The following TAP2 variants were observed in gnomAD, a reference collection of about 807,000 sequenced individuals.
TAP2 encodes the protein antigen peptide transporter 2.
In TAP2, 49 loss-of-function variants were observed where a neutral mutation model predicts 74.7. That is an observed-to-expected ratio of 0.66 (90% CI 0.52 to 0.83). The LOEUF (loss-of-function observed/expected upper bound fraction) is 0.83. Ranked by LOEUF, TAP2 falls within the 40% of genes least tolerant of loss-of-function variation. TAP2 has a pLI of 0.00. For synonymous variants in TAP2, 306 were observed against 368.4 expected (o/e 0.83, Z 1.94); for missense variants, 739 against 859.0 (o/e 0.86, Z 1.75).
chr6:32,826,974 C>T lies in TAP2; in HGVS notation c.*1932G>A. The T allele has an allele frequency of 2.0e-6, 2 of 985,352 alleles. No individual in the cohort carries two copies. Among genetic ancestry groups the T allele is most frequent in the Non-Finnish European group, 2.4e-6 (2 of 829,902 alleles). The allele number at this position is 985,352 out of a possible 1,614,324, so 61.0% of individuals were successfully genotyped here. A position where few individuals can be genotyped will look rare whatever the true frequency, so the allele number is the denominator to read the frequency against. On this transcript the variant is annotated 3_prime_UTR_variant, in exon 12 of 12. Coordinates refer to ENST00000374897, the MANE Select transcript of TAP2 (RefSeq NM_001290043.2). ...GCCAGAGTTCTTTCTCTCCAAATGCCTATTTTACCCTCTGTGAAATTTGAG... is the reference window on the plus strand; with the variant it reads ...GCCAGAGTTCTTTCTCTCCAAATGCTTATTTTACCCTCTGTGAAATTTGAG...
At chr6:32,833,214 T>C (rs1769204877) in intron 5 of TAP2, among the ~76,000 whole-genome samples, 1 of 152,170 alleles carries the variant, frequency 6.6e-6, no homozygotes, top group South Asian at 2.1e-4. Flanking sequence ...TAGGAAAATG[T>C]AGAAGAAAAG....
chr6:32,828,681 A>ACCCCCCCCCCC lies in TAP2; in HGVS notation c.*224_*225insGGGGGGGGGGG. The ACCCCCCCCCCC allele has an allele frequency of 3.3e-6, 2 of 606,172 alleles. No homozygotes were observed. Among genetic ancestry groups the ACCCCCCCCCCC allele is most frequent in the Non-Finnish European group, 4.0e-6 (2 of 497,974 alleles). 37.5% of individuals were successfully genotyped at this position (606,172 alleles called of 1,614,324 possible). The stretch of plus-strand genomic sequence containing the variant: ...AGTTTCCTGGACACAGACAGCCCCC[A>ACCCCCCCCCCC]CCCCACCCCACCCCACCTCTCTACC... On this transcript the variant is annotated 3_prime_UTR_variant, in exon 12 of 12. Coordinates refer to ENST00000374897, the MANE Select transcript of TAP2 (RefSeq NM_001290043.2).
rs771146822 is a variant in TAP2 at position 32,832,296 on chromosome 6, A to AG, written c.1272+36dup. 2.6e-5 allele frequency: 42 copies of AG among 1,612,720 alleles called. No homozygotes were observed. Among genetic ancestry groups the AG allele is most frequent in the Non-Finnish European group, 3.5e-5 (41 of 1,179,980 alleles). On this transcript the variant is annotated intron_variant, in intron 7 of 11. Transcript: ENST00000374897. The surrounding 1 kb of genome is among the most constrained non-coding windows in gnomAD (Gnocchi z 5.9). ...CCCAGGAGTCCACAAAGAAAAAGAG[A>AG]GGGAAAAAAGGAGAGCAGGCTTGGC...
intron 9 of TAP2, 75 bp from the exon 10 acceptor site, chr6:32,830,164 C>T: frequency 6.2e-7 from 1 of 1,612,336 alleles, no homozygotes; most frequent in South Asian, 1.1e-5. Flanking sequence ...TCCCCACCTA[C>T]CTCCCTCAGA....
Position 32,832,748 on chromosome 6 carries a change from G to C in TAP2, c.1022C>G (p.Thr341Ser). The C allele has an allele frequency of 6.2e-7, 1 of 1,613,088 alleles. No individual in the cohort carries two copies. The highest frequency in any genetic ancestry group is 8.5e-7 in the Non-Finnish European group (1 of 1,180,044). Residue 341 changes from threonine (T) to serine (S), a missense_variant, in exon 6 of 12, where the codon ACC becomes AGC. By Grantham distance (58) the Thr-to-Ser change is moderately conservative. Coordinates refer to ENST00000374897, the MANE Select transcript of TAP2 (RefSeq NM_001290043.2). The surrounding 1 kb of genome is among the most constrained non-coding windows in gnomAD (Gnocchi z 5.9). Reference protein sequence around the residue: ...VVREAVGGLQTVRSFGAEEHE... With the variant: ...VVREAVGGLQSVRSFGAEEHE... ...CTCCTCGGCCCCAAAACTGCGAACGGTCTGCAGCCCTCCAACGGCTTCCCG... is the reference window on the plus strand; with the variant it reads ...CTCCTCGGCCCCAAAACTGCGAACGCTCTGCAGCCCTCCAACGGCTTCCCG...
At position 32,827,458 on chromosome 6, in the gene TAP2, G is replaced by A. The variant is rs17213798; in HGVS notation, c.*1448C>T. On this transcript the variant is annotated 3_prime_UTR_variant, in exon 12 of 12. Coordinates refer to ENST00000374897, the MANE Select transcript of TAP2 (RefSeq NM_001290043.2). ...ATGGTCTAGTGGAAGGTCAAAAAAG[G>A]TGGGAAAGGGAAGATAGAACTTTAA... The A allele has an allele frequency of 6.9e-6, 4 of 577,704 alleles. No individual in the cohort carries two copies. Among genetic ancestry groups the A allele is most frequent in the African/African-American group, 2.0e-5 (1 of 49,096 alleles). 35.8% of individuals were successfully genotyped at this position (577,704 alleles called of 1,614,324 possible).
chr6:32,828,679 C>CACCCCACCA lies in TAP2; in HGVS notation c.*226_*227insTGGTGGGGT, dbSNP rs28381590. 196,451 of 932,224 alleles carry CACCCCACCA rather than the reference C, an allele frequency of 0.21. 20,194 individuals carry two copies. Among genetic ancestry groups the CACCCCACCA allele is most frequent in the South Asian group, 0.3 (6,888 of 22,806 alleles). The allele number at this position is 932,224 out of a possible 1,614,324, so 57.7% of individuals were successfully genotyped here. ...TAAGTTTCCTGGACACAGACAGCCC[C>CACCCCACCA]CACCCCACCCCACCCCACCTCTCTA... On this transcript the variant is annotated 3_prime_UTR_variant, in exon 12 of 12. Transcript: ENST00000374897.
At position 32,826,301 on chromosome 6, in the gene TAP2, C is replaced by T; in HGVS notation, c.*2605G>A. The T allele has an allele frequency of 1.0e-6, 1 of 985,430 alleles. No homozygotes were observed. Among genetic ancestry groups the T allele is most frequent in the Non-Finnish European group, 1.2e-6 (1 of 829,964 alleles). The allele number at this position is 985,430 out of a possible 1,614,324, so 61.0% of individuals were successfully genotyped here. ...ACAGGCTATGGAGGTGTTTTGGCATCCAAGGAAATCTATCAGTTTCCCAAG... is the reference window on the plus strand; with the variant it reads ...ACAGGCTATGGAGGTGTTTTGGCATTCAAGGAAATCTATCAGTTTCCCAAG... On this transcript the variant is annotated 3_prime_UTR_variant, in exon 12 of 12. Transcript: ENST00000374897.
chr6:32,838,177 T>G lies in TAP2; in HGVS notation c.57A>C (p.Leu19Phe). The change falls in exon 2 of 12, where the codon TTA (leucine) becomes TTC (phenylalanine). Residue 19 changes from leucine (L) to phenylalanine (F), a missense_variant. Leu to Phe is a conservative substitution (Grantham distance 22). Transcript: ENST00000374897. ...CCAGAGGGCCCTGAAGCAGCCACAG[T>G]AAAGCCGCGTCCACCAGCAGCAGGG... is the stretch of plus-strand genomic sequence containing the variant. ...WTSLLLVDAA[L>F]LWLLQGPLGT... The G allele has an allele frequency of 6.3e-7, 1 of 1,595,796 alleles. No homozygotes were observed. Among genetic ancestry groups the G allele is most frequent in the Non-Finnish European group, 8.5e-7 (1 of 1,170,688 alleles).
Position 32,826,431 on chromosome 6 carries a change from G to A in TAP2, c.*2475C>T. 2 of 984,736 alleles carry A rather than the reference G, an allele frequency of 2.0e-6. No homozygotes were observed. The highest frequency in any genetic ancestry group is 2.4e-6 in the Non-Finnish European group (2 of 829,938). The allele number at this position is 984,736 out of a possible 1,614,324, so 61.0% of individuals were successfully genotyped here. ...AGAAGGGGAAATTACAGGGTAAGGA[G>A]ATCAATCAAATGGTGATGGGGGGTA... On this transcript the variant is annotated 3_prime_UTR_variant, in exon 12 of 12. Coordinates refer to ENST00000374897, the MANE Select transcript of TAP2 (RefSeq NM_001290043.2).
intron 1 of TAP2, 60 bp downstream of exon 1, chr6:32,838,593 G>C: frequency 3.8e-6 from 1 of 263,250 alleles, no homozygotes. Context: ...AGCGTGGAGT[G>C]GGTAGTCACT....
intron 7 of TAP2, among the ~76,000 whole-genome samples, chr6:32,831,695 CA>C (rs568853728): frequency 4.6e-5 from 7 of 152,000 alleles, no homozygotes; most frequent in Non-Finnish European, 8.8e-5. Flanking sequence ...ATTTCTTCAA[CA>C]AATAAACTGT....
intron 3 of TAP2, among the ~76,000 whole-genome samples, chr6:32,836,678 G>A (rs565908524): frequency 6.6e-6 from 1 of 152,320 alleles, no homozygotes; most frequent in Admixed American, 6.5e-5. Flanking sequence ...ACAGAAGTAA[G>A]TATTTGTGTA....
chr6:32,829,081 C>A (rs1348520563), intron 11 of TAP2, 47 bp from the exon 12 acceptor site: 2 of 1,321,288 alleles, frequency 1.5e-6, no homozygotes, highest in South Asian at 1.3e-5. Context: ...ATGAGATGGA[C>A]ACCACATCCA....
At chr6:32,837,688 G>A in intron 2 of TAP2, 37 bp from the exon 3 acceptor site, 4 of 1,614,090 alleles carry the variant, frequency 2.5e-6, no homozygotes, top group Non-Finnish European at 3.4e-6. Flanking sequence ...AGAATGTGCT[G>A]GTGCCCAGGC....
In TAP2 at chr6:32,832,814, C is replaced by G. The variant is rs1453357528; in HGVS notation, c.956G>C (p.Arg319Pro). ...CCTGGCCACTGCATCCTGGATCTCC[C>G]GAAGCACTTCCTGGAAAAGAGGGCC... The part of the protein sequence containing the change: ...VYNTRHQEVL[R>P]EIQDAVARAG... Residue 319 changes from arginine (R) to proline (P), a missense_variant, in exon 6 of 12, where the codon CGG becomes CCG. Coordinates refer to ENST00000374897, the MANE Select transcript of TAP2 (RefSeq NM_001290043.2). This position sits in a 1 kb window ranked among gnomAD's most constrained non-coding sequence, Gnocchi z 5.9. The G allele has an allele frequency of 1.2e-6, 2 of 1,612,438 alleles. No individual in the cohort carries two copies. The highest frequency in any genetic ancestry group is 1.7e-6 in the Non-Finnish European group (2 of 1,180,026).
At position 32,829,992 on chromosome 6, in the gene TAP2, G is replaced by A. The variant is rs78328107; in HGVS notation, c.1733C>T (p.Ala578Val). Residue 578 changes from alanine to valine, a missense_variant, in exon 10 of 12, where the codon GCG (alanine) becomes GTG (valine). Ala to Val is a moderately conservative substitution (Grantham distance 64, BLOSUM62 0). Coordinates refer to ENST00000374897, the MANE Select transcript of TAP2 (RefSeq NM_001290043.2). ...LQSCEDDKVM[A>V]AAQAAHADDF... Reference sequence around the variant, plus strand: ...ATCTGCGTGGGCAGCCTGGGCAGCCGCCATCACCTTATCATCTTCGCAGCT... The same window carrying A: ...ATCTGCGTGGGCAGCCTGGGCAGCCACCATCACCTTATCATCTTCGCAGCT... The A allele has an allele frequency of 1.9e-4, 302 of 1,613,044 alleles. No individual in the cohort carries two copies. Among genetic ancestry groups the A allele is most frequent in the African/African-American group, 1.9e-3 (139 of 75,024 alleles).
chr6:32,835,216 G>C lies in TAP2; in HGVS notation c.883C>G (p.Leu295Val), dbSNP rs1562335145. ...GTGAAGGGCATGTGCAGCAGAGAAA[G>C]GAGGGTGAGTCGAGGCGATATGCTG... ...MLSISPRLTLLSLLHMPFTIA... is the reference protein window; with the variant it reads ...MLSISPRLTLVSLLHMPFTIA... Residue 295 changes from leucine (L) to valine (V), a missense_variant, in exon 5 of 12, where the codon CTT becomes GTT. Leu to Val is a conservative substitution (Grantham distance 32). Coordinates refer to ENST00000374897, the MANE Select transcript of TAP2 (RefSeq NM_001290043.2). The surrounding 1 kb of genome is among the most constrained non-coding windows in gnomAD (Gnocchi z 4.0). 1 of 1,612,970 alleles carries C rather than the reference G, an allele frequency of 6.2e-7. No individual in the cohort carries two copies. The highest frequency in any genetic ancestry group is 1.3e-5 in the African/African-American group (1 of 74,930).
rs1768711371 is a variant in TAP2 at position 32,827,229 on chromosome 6, G to T, written c.*1677C>A. 5.1e-6 allele frequency: 5 copies of T among 985,302 alleles called. No individual in the cohort carries two copies. Among genetic ancestry groups the T allele is most frequent in the Admixed American group, 6.1e-5 (1 of 16,266 alleles). 61.0% of individuals were successfully genotyped at this position (985,302 alleles called of 1,614,324 possible). On this transcript the variant is annotated 3_prime_UTR_variant, in exon 12 of 12. Transcript: ENST00000374897. ...TTTCCTAGAATAGCAACTTTCCAAG[G>T]TAAGTCCCTCCCAACAACCAGTGAT...
Sources: allele counts gnomAD v4.1 joint callset (sites outside exome capture counted in the v4.1 genomes callset), GRCh38; gene constraint gnomAD v4.1.1; non-coding constraint Gnocchi (gnomAD v3.1); transcripts MANE v1.5; gene names NCBI Gene and HGNC (gene_info 2026-07-23, HGNC 2026-07-21).